The following RNASEH1 variants were observed in gnomAD, a reference collection of about 807,000 sequenced individuals.
The protein encoded by RNASEH1 is ribonuclease H type II.
RNASEH1 carries 27 observed loss-of-function variants against 34.6 expected under a neutral mutation model. The observed-to-expected ratio is 0.78, with a 90% confidence interval of 0.58 to 1.08. The LOEUF (loss-of-function observed/expected upper bound fraction) is 1.08. Among genes scored for constraint, RNASEH1 ranks in the 50% least tolerant of loss-of-function variants. RNASEH1 has a pLI of 0.00. For synonymous variants in RNASEH1, 162 were observed against 138.4 expected (o/e 1.17, Z -1.20); for missense variants, 349 against 373.6 (o/e 0.93, Z 0.54).
At position 3,545,538 on chromosome 2, in the gene RNASEH1, T is replaced by C; in HGVS notation, c.*247A>G. ...GCAATAAAACAAGCAAGGACAGTAT[T>C]GAACCCAGTAAACATAATGTGGAAA... On this transcript the variant is annotated 3_prime_UTR_variant, in exon 8 of 8. Coordinates refer to ENST00000315212, the MANE Select transcript of RNASEH1 (RefSeq NM_002936.6). The C allele has an allele frequency of 1.9e-6, 1 of 530,562 alleles. No individual in the cohort carries two copies. Among genetic ancestry groups the C allele is most frequent in the Non-Finnish European group, 3.4e-6 (1 of 296,322 alleles). 32.9% of individuals were successfully genotyped at this position (530,562 alleles called of 1,614,324 possible).
the RNASEH1 span, chr2:3,533,120 A>C: frequency 6.6e-6 from 1 of 152,330 alleles, no homozygotes; most frequent in Non-Finnish European, 1.5e-5. Context: ...CTCCTGGCAC[A>C]GCCTGGTGCC....
rs1157384194 is a variant in RNASEH1 at position 3,544,127 on chromosome 2, G to A, written c.*1658C>T. On this transcript the variant is annotated 3_prime_UTR_variant, in exon 8 of 8. Coordinates refer to ENST00000315212, the MANE Select transcript of RNASEH1 (RefSeq NM_002936.6). ...TCCAGCTAATAAAGGCAAGCAAAAC[G>A]ACAGAATGAGAATACCACCATTTTG... 2.0e-5 allele frequency among the ~76,000 whole-genome samples: 3 copies of A among 152,130 alleles called. No individual in the cohort carries two copies. Among genetic ancestry groups the A allele is most frequent in the Non-Finnish European group, 4.4e-5 (3 of 68,030 alleles).
chr2:3,534,627 T>G, the RNASEH1 span, among the ~76,000 whole-genome samples: 1 of 152,242 alleles, frequency 6.6e-6, no homozygotes, highest in African/African-American at 2.4e-5. Context: ...GCGCGGATCC[T>G]GTGGCAAGCG....
intron 2 of RNASEH1, 31 bp from the exon 3 acceptor site, chr2:3,552,339 A>C: frequency 6.2e-7 from 1 of 1,602,318 alleles, no homozygotes; most frequent in Non-Finnish European, 8.5e-7. Flanking sequence ...CGTGAGCTGG[A>C]AACAATGAAC....
At chr2:3,547,713 TC>T (rs1224250275) in intron 7 of RNASEH1, among the ~76,000 whole-genome samples, 1 of 152,116 alleles carries the variant, frequency 6.6e-6, no homozygotes, top group East Asian at 1.9e-4. Flanking sequence ...GGTCTTGAAC[TC>T]CTGACCTCGT....
intron 2 of RNASEH1, among the ~76,000 whole-genome samples, chr2:3,554,878 T>G (rs545192788): frequency 6.6e-6 from 1 of 152,302 alleles, no homozygotes; most frequent in African/African-American, 2.4e-5. Context: ...GGTAGAAAAA[T>G]GAACAGCTGT....
chr2:3,553,849 G>A (rs12105444), intron 2 of RNASEH1, among the ~76,000 whole-genome samples: 4,950 of 152,240 alleles, frequency 0.033, 278 homozygotes, highest in African/African-American at 0.11. Flanking sequence ...TGCGAACTCC[G>A]TCAACTGAAT....
intron 5 of RNASEH1, 100 bp from the exon 6 acceptor site, chr2:3,548,824 G>C: frequency 1.2e-6 from 1 of 830,640 alleles, no homozygotes; most frequent in South Asian, 1.5e-5. Context: ...CCTCTGTACT[G>C]ATTATATTCT....
chr2:3,556,977 G>T, intron 1 of RNASEH1, 73 bp from the exon 2 acceptor site: 2 of 1,160,464 alleles, frequency 1.7e-6, no homozygotes, highest in Non-Finnish European at 2.6e-6. Flanking sequence ...GATTCTTAAG[G>T]TTGGAAATAC....
At chr2:3,550,172 AG>A (rs1331294679) in intron 4 of RNASEH1, 200 bp downstream of exon 4, 3 of 512,160 alleles carry the variant, frequency 5.9e-6, no homozygotes, top group Non-Finnish European at 1.1e-5. Flanking sequence ...AAAAAAGCAA[AG>A]GAAGTAAAGC....
At position 3,558,307 on chromosome 2, in the gene RNASEH1, G is replaced by A. The variant is rs193029238; in HGVS notation, c.-47C>T. 725 of 1,485,174 alleles carry A rather than the reference G, an allele frequency of 4.9e-4. 2 individuals carry two copies. The African/African-American group carries it at 8.4e-3, about 17-fold the overall frequency. 92.0% of individuals were successfully genotyped at this position (1,485,174 alleles called of 1,614,324 possible). The stretch of plus-strand genomic sequence containing the variant: ...AGCATTTCGACTCCCGGCCCAGCGT[G>A]GGCGCGAGCCGCCGGCGCTCAACAC... On this transcript the variant is annotated 5_prime_UTR_variant, in exon 1 of 8. Transcript: ENST00000315212.
At chr2:3,551,775 A>G (rs1659942944) in intron 3 of RNASEH1, among the ~76,000 whole-genome samples, 1 of 152,208 alleles carries the variant, frequency 6.6e-6, no homozygotes, top group African/African-American at 2.4e-5. Flanking sequence ...CAAAGATTGA[A>G]TATGAAAGGT....
chr2:3,540,174 A>C (rs1668214691), downstream of RNASEH1, among the ~76,000 whole-genome samples: 1 of 152,210 alleles, frequency 6.6e-6, no homozygotes, highest in Admixed American at 6.5e-5. Context: ...AATATGTAGC[A>C]CAATCTGATA....
rs12987176 is a variant in RNASEH1 at position 3,551,873 on chromosome 2, G to A, written c.409+271C>T. Among the ~76,000 whole-genome samples the A allele has an allele frequency of 0.17, 25,679 of 152,214 alleles. 2,307 individuals carry two copies. The highest frequency in any genetic ancestry group is 0.24 in the Admixed American group (3,741 of 15,282). On this transcript the variant is annotated intron_variant, in intron 3 of 7. Transcript: ENST00000315212. ...TGGAGTCTTCGCATTTCATCTTAAC[G>A]TTAAGTACTGCATGCACAGGGAATA...
chr2:3,554,749 T>A (rs140689229), intron 2 of RNASEH1, among the ~76,000 whole-genome samples: 2,542 of 152,170 alleles, frequency 0.017, 41 homozygotes, highest in South Asian at 0.061. Flanking sequence ...AAACAAAAAA[T>A]TTGTGAAAAG....
At chr2:3,532,215 C>A in the RNASEH1 span, 1 of 701,418 alleles carries the variant, frequency 1.4e-6, no homozygotes, top group Non-Finnish European at 2.6e-6. Flanking sequence ...GCAGCACTTT[C>A]AAGGCATTCA....
chr2:3,548,183 A>G (rs951417375), intron 6 of RNASEH1, 128 bp from the exon 7 acceptor site: 3 of 1,141,522 alleles, frequency 2.6e-6, no homozygotes, highest in Admixed American at 3.7e-5. Flanking sequence ...TCACTTCCTT[A>G]GCTGGCCTTA....
the RNASEH1 span, chr2:3,533,886 G>A: frequency 1.3e-5 from 2 of 152,286 alleles, no homozygotes; most frequent in African/African-American, 4.8e-5. Flanking sequence ...GGCAGACTGG[G>A]GCAGGTCCCC....
intron 7 of RNASEH1, 118 bp from the exon 8 acceptor site, chr2:3,545,989 A>G (rs1668713407): frequency 5.6e-6 from 4 of 717,594 alleles, no homozygotes; most frequent in Admixed American, 2.0e-5. Flanking sequence ...CTCAACTTCA[A>G]CGCTCCTCTC....
Sources: gnomAD v4.1 joint callset for allele counts (sites outside exome capture counted in the v4.1 genomes callset) on GRCh38, gnomAD v4.1.1 for gene constraint, MANE v1.5 for transcripts, NCBI Gene and HGNC (gene_info 2026-07-23, HGNC 2026-07-21) for gene names.